TENM3: variants seen among roughly 807,000 people sequenced by gnomAD.
TENM3 encodes teneurin-3.
In TENM3, 63 loss-of-function variants were observed where a neutral mutation model predicts 255.1. That is an observed-to-expected ratio of 0.25 (90% CI 0.20 to 0.30). The LOEUF is 0.30. Ranked by LOEUF, TENM3 falls within the 10% of genes least tolerant of loss-of-function variation. TENM3 has a pLI of 1.00. For synonymous variants in TENM3, 1,306 were observed against 1,322.3 expected (o/e 0.99, Z 0.27); for missense variants, 2,929 against 3,461.1 (o/e 0.85, Z 3.86).
chr4:181,960,699 C>A, the TENM3 span, among the ~76,000 whole-genome samples: 1 of 152,146 alleles, frequency 6.6e-6, no homozygotes. Flanking sequence ...ATTTTGTATA[C>A]ACTATAACTC....
chr4:182,046,579 TAAC>T, the TENM3 span, among the ~76,000 whole-genome samples: 311 of 125,742 alleles, frequency 2.5e-3, 3 homozygotes, highest in African/African-American at 8.6e-3. Context: ...ATAATAATAA[TAAC>T]AACCAGGTGT....
chr4:182,451,896 A>C (rs921964095), intron 3 of TENM3, among the ~76,000 whole-genome samples: 1 of 152,220 alleles, frequency 6.6e-6, no homozygotes, highest in Non-Finnish European at 1.5e-5. Flanking sequence ...ATTGTGAATA[A>C]AGATTTTTAA....
At chr4:182,141,650 T>C (rs1484498099), upstream of TENM3, 1 of 152,198 alleles carries the variant, frequency 6.6e-6, no homozygotes, top group Admixed American at 6.5e-5. Flanking sequence ...TTTTTTTCTA[T>C]TTTGCAACCA....
the TENM3 span, among the ~76,000 whole-genome samples, chr4:181,993,823 G>A: frequency 6.6e-6 from 1 of 152,032 alleles, no homozygotes; most frequent in Non-Finnish European, 1.5e-5. Context: ...CAAAGAGCAA[G>A]ACATATACTT....
chr4:181,805,434 C>G, the TENM3 span, among the ~76,000 whole-genome samples: 1 of 152,124 alleles, frequency 6.6e-6, no homozygotes, highest in Non-Finnish European at 1.5e-5. Flanking sequence ...CGCAGAGCCC[C>G]CATTCTTTTG....
the TENM3 span, among the ~76,000 whole-genome samples, chr4:181,527,656 T>C: frequency 0.13 from 18,903 of 149,424 alleles, 1,332 homozygotes; most frequent in East Asian, 0.2. Flanking sequence ...AAAAGGATAA[T>C]AGAATGAAAA....
chr4:181,626,308 G>A, the TENM3 span, among the ~76,000 whole-genome samples: 1 of 152,196 alleles, frequency 6.6e-6, no homozygotes, highest in African/African-American at 2.4e-5. Context: ...GGAGGGACAG[G>A]AGCTGAGGAC....
At chr4:181,757,150 GA>G in the TENM3 span, among the ~76,000 whole-genome samples, 2 of 151,734 alleles carry the variant, frequency 1.3e-5, no homozygotes, top group East Asian at 1.9e-4. Flanking sequence ...TTGAAAAGTT[GA>G]AAAAAAATTA....
chr4:182,508,654 T>C (rs1737074310), intron 3 of TENM3, among the ~76,000 whole-genome samples: 1 of 152,208 alleles, frequency 6.6e-6, no homozygotes, highest in East Asian at 1.9e-4. Context: ...AGGGTACTAA[T>C]TAGTGTGCAA....
chr4:182,155,962 T>G (rs1750673009), intron 1 of TENM3, among the ~76,000 whole-genome samples: 1 of 151,948 alleles, frequency 6.6e-6, no homozygotes, highest in African/African-American at 2.4e-5. Context: ...TTTATTATTC[T>G]AAGCCACTAT....
the TENM3 span, among the ~76,000 whole-genome samples, chr4:181,672,435 G>A: frequency 1.6e-4 from 25 of 152,040 alleles, no homozygotes; most frequent in Non-Finnish European, 2.2e-4. Context: ...AGGATTTTTC[G>A]TATAACATCT....
At chr4:182,548,128 G>A (rs1156534328) in intron 3 of TENM3, among the ~76,000 whole-genome samples, 1 of 152,104 alleles carries the variant, frequency 6.6e-6, no homozygotes, top group Non-Finnish European at 1.5e-5. Context: ...GGAGGCTCAG[G>A]TGGAAAAGAT....
the TENM3 span, among the ~76,000 whole-genome samples, chr4:181,954,430 C>A: frequency 6.6e-6 from 1 of 152,146 alleles, no homozygotes; most frequent in Non-Finnish European, 1.5e-5. Flanking sequence ...TTCACCAACA[C>A]GTGGTATGGT....
chr4:181,525,319 C>T, the TENM3 span, among the ~76,000 whole-genome samples: 1 of 150,020 alleles, frequency 6.7e-6, no homozygotes, highest in Admixed American at 6.7e-5. Flanking sequence ...ATCATTTGAA[C>T]CCAGGAAGTG....
the TENM3 span, among the ~76,000 whole-genome samples, chr4:181,543,681 A>G: frequency 5.3e-5 from 8 of 152,186 alleles, no homozygotes; most frequent in Non-Finnish European, 1.2e-4. Flanking sequence ...TCAATTATAA[A>G]ACAGGCCCTG....
the TENM3 span, among the ~76,000 whole-genome samples, chr4:181,832,907 C>A: frequency 5.3e-5 from 8 of 152,122 alleles, no homozygotes; most frequent in Middle Eastern, 3.2e-3. Context: ...AAGGACCGTG[C>A]TCCAGAAGAT....
At chr4:181,614,760 G>C in the TENM3 span, among the ~76,000 whole-genome samples, 1 of 152,198 alleles carries the variant, frequency 6.6e-6, no homozygotes, top group South Asian at 2.1e-4. Flanking sequence ...CTATCTACCA[G>C]CTTTCTAGAT....
chr4:181,561,441 T>C, the TENM3 span, among the ~76,000 whole-genome samples: 640 of 152,322 alleles, frequency 4.2e-3, 12 homozygotes, highest in South Asian at 0.054. Flanking sequence ...TTACAAAATA[T>C]GGCAGAAAAT....
chr4:182,046,582 C>T, the TENM3 span, among the ~76,000 whole-genome samples: 3,956 of 142,612 alleles, frequency 0.028, 190 homozygotes, highest in African/African-American at 0.1. Flanking sequence ...ATAATAATAA[C>T]AACCAGGTGT....
Sources: gnomAD v4.1 joint callset for allele counts (sites outside exome capture counted in the v4.1 genomes callset) on GRCh38, gnomAD v4.1.1 for gene constraint, MANE v1.5 for transcripts, NCBI Gene and HGNC (gene_info 2026-07-23, HGNC 2026-07-21) for gene names.